Variants in NUDT4 observed in about 807,000 individuals in gnomAD.
NUDT4 encodes diphosphoinositol polyphosphate phosphohydrolase 2.
Under a neutral mutation model 23.1 loss-of-function variants are expected in NUDT4, and 5 were observed. That is an observed-to-expected ratio of 0.22 (90% CI 0.11 to 0.46). The LOEUF (loss-of-function observed/expected upper bound fraction) is 0.46, where lower values mean the gene tolerates loss of function less well. Among genes scored for constraint, NUDT4 ranks in the 20% least tolerant of loss-of-function variants. The probability of loss-of-function intolerance (pLI) is 0.99; values close to 1 mark genes in which losing one functional copy is unlikely to be tolerated. For synonymous variants in NUDT4, 50 were observed against 79.0 expected, an observed-to-expected ratio of 0.63 and a Z score of 1.95; for missense variants, 96 against 211.6, an observed-to-expected ratio of 0.45 and a Z score of 3.39.
At chr12:93,378,608 A>G (rs749521497) in intron 1 of NUDT4, 187 bp downstream of exon 1, 5 of 1,260,862 alleles carry the variant, frequency 4.0e-6, no homozygotes, top group African/African-American at 1.6e-5. Flanking sequence ...GGGCTGATAG[A>G]TGAGACAAAG....
chr12:93,389,997 C>T (rs147064541), intron 1 of NUDT4, among the ~76,000 whole-genome samples: 1 of 152,238 alleles, frequency 6.6e-6, no homozygotes, highest in Admixed American at 6.5e-5. Context: ...TGTAATTTAG[C>T]TCTGTCTTGG....
chr12:93,395,432 TTA>T, intron 2 of NUDT4, 55 bp from the exon 3 acceptor site: 1 of 1,224,042 alleles, frequency 8.2e-7, no homozygotes, highest in Non-Finnish European at 1.2e-6. Context: ...TAACTTGTAT[TTA>T]TATACATTTT....
intron 1 of NUDT4, among the ~76,000 whole-genome samples, chr12:93,383,088 T>C (rs185813496): frequency 8.6e-5 from 13 of 151,938 alleles, no homozygotes; most frequent in African/African-American, 1.9e-4. Context: ...TTTTTTTTTT[T>C]CTTAGGGTCT....
chr12:93,405,077 C>G lies in NUDT4; in HGVS notation c.*5698C>G, dbSNP rs2121029753. ...ACAACATGAATTGTAATAACTTGGA[C>G]TTACTTGGTTGCTCAGTCCTGATGT... On this transcript the variant is annotated 3_prime_UTR_variant, in exon 5 of 5. Transcript: ENST00000415493. 1 of 152,232 alleles carries G rather than the reference C, an allele frequency of 6.6e-6. No individual in the cohort carries two copies. The highest frequency in any genetic ancestry group is 1.5e-5 in the Non-Finnish European group (1 of 68,022). The allele number at this position is 152,232 out of a possible 1,614,324, so 9.4% of individuals were successfully genotyped here. A position where few individuals can be genotyped will look rare whatever the true frequency, so the allele number is the denominator to read the frequency against.
rs1181519729 is a variant in NUDT4 at position 93,407,155 on chromosome 12, T to C, written c.*7776T>C. Reference sequence around the variant, plus strand: ...GAGCCACTGTGCCCGGCCTGGGCAGTCGATTTTCAGGAAGCCACTTAATGT... The same window carrying C: ...GAGCCACTGTGCCCGGCCTGGGCAGCCGATTTTCAGGAAGCCACTTAATGT... On this transcript the variant is annotated 3_prime_UTR_variant, in exon 5 of 5. Coordinates refer to ENST00000415493, the MANE Select transcript of NUDT4 (RefSeq NM_019094.6). 4 of 152,584 alleles carry C rather than the reference T, an allele frequency of 2.6e-5. No individual in the cohort carries two copies. In the East Asian group the frequency reaches 7.7e-4, roughly 29 times the overall value. 9.5% of individuals were successfully genotyped at this position (152,584 alleles called of 1,614,324 possible). A position where few individuals can be genotyped will look rare whatever the true frequency, so the allele number is the denominator to read the frequency against.
At chr12:93,383,801 C>T (rs1875866615) in intron 1 of NUDT4, among the ~76,000 whole-genome samples, 1 of 152,224 alleles carries the variant, frequency 6.6e-6, no homozygotes, top group South Asian at 2.1e-4. Context: ...CACTGCACTC[C>T]AGCCTGGGCG....
In NUDT4 at chr12:93,400,173, ATCGATACTCTT is replaced by A. The variant is rs1458193203; in HGVS notation, c.*797_*807del. On this transcript the variant is annotated 3_prime_UTR_variant, in exon 5 of 5. Coordinates refer to ENST00000415493, the MANE Select transcript of NUDT4 (RefSeq NM_019094.6). ...GCATGCTCAGTTGCCAGTTCCCATT[ATCGATACTCTT>A]TCTTTGCAGAATACCTTAGAACCGT... 1 of 151,922 alleles carries A rather than the reference ATCGATACTCTT, an allele frequency of 6.6e-6. No homozygotes were observed. Among genetic ancestry groups the A allele is most frequent in the Non-Finnish European group, 1.5e-5 (1 of 68,002 alleles). 9.4% of individuals were successfully genotyped at this position (151,922 alleles called of 1,614,324 possible). A position where few individuals can be genotyped will look rare whatever the true frequency, so the allele number is the denominator to read the frequency against.
rs1335668706 is a variant in NUDT4 at position 93,402,215 on chromosome 12, A to C, written c.*2836A>C. The C allele has an allele frequency of 2.0e-5, 3 of 152,262 alleles. No homozygotes were observed. The highest frequency in any genetic ancestry group is 4.4e-5 in the Non-Finnish European group (3 of 68,018). 9.4% of individuals were successfully genotyped at this position (152,262 alleles called of 1,614,324 possible). ...GCTTTGCATGGTCTCATTTGAGATAATTGATGTAAGAATCCTGACTTTTTT... is the reference window on the plus strand; with the variant it reads ...GCTTTGCATGGTCTCATTTGAGATACTTGATGTAAGAATCCTGACTTTTTT... On this transcript the variant is annotated 3_prime_UTR_variant, in exon 5 of 5. Coordinates refer to ENST00000415493, the MANE Select transcript of NUDT4 (RefSeq NM_019094.6).
rs1175756118 is a variant in NUDT4, at chr12:93,378,394, G to A, written c.72G>A (p.Leu24=). The A allele has an allele frequency of 3.2e-6, 5 of 1,554,438 alleles. No homozygotes were observed. In the South Asian group the frequency reaches 5.9e-5, roughly 18 times the overall value. The change falls in exon 1 of 5, where the codon CTG becomes CTA. Residue 24 remains leucine, a synonymous_variant. Transcript: ENST00000415493. Reference sequence around the variant, plus strand: ...GCTTCAAGAAGCGGGCGGCGTGCCTGTGCTTCCGGAGCGAGCAGGAGGACG... The same window carrying A: ...GCTTCAAGAAGCGGGCGGCGTGCCTATGCTTCCGGAGCGAGCAGGAGGACG... ...REGFKKRAAC[L]CFRSEQEDEV... is the part of the protein sequence containing the mutation.
rs1875338213 is a variant in NUDT4 at position 93,378,238 on chromosome 12, GCCCCCACT to G, written c.-80_-73del. 1 of 528,464 alleles carries G rather than the reference GCCCCCACT, an allele frequency of 1.9e-6. No homozygotes were observed. Among genetic ancestry groups the G allele is most frequent in the African/African-American group, 2.0e-5 (1 of 49,412 alleles). 32.7% of individuals were successfully genotyped at this position (528,464 alleles called of 1,614,324 possible). ...GCGCTCCTGCGCCCGACTCGCCCTCGCCCCCACTCCCCGGCGGGGTGGCGGCGGCCGGG... is the reference window on the plus strand; with the variant it reads ...GCGCTCCTGCGCCCGACTCGCCCTCGCCCCGGCGGGGTGGCGGCGGCCGGG... On this transcript the variant is annotated 5_prime_UTR_variant, in exon 1 of 5. Transcript: ENST00000415493.
At chr12:93,394,750 CG>C (rs1316982810) in intron 2 of NUDT4, 31 bp downstream of exon 2, 1 of 1,427,672 alleles carries the variant, frequency 7.0e-7, no homozygotes, top group African/African-American at 1.4e-5. Context: ...AATTCTGTTT[CG>C]GAGTTTTAAA....
chr12:93,397,692 T>C (rs1401881037), intron 3 of NUDT4, among the ~76,000 whole-genome samples: 1 of 152,042 alleles, frequency 6.6e-6, no homozygotes, highest in Non-Finnish European at 1.5e-5. Flanking sequence ...CCGGCTAATA[T>C]TTTCGTATTT....
At position 93,406,929 on chromosome 12, in the gene NUDT4, C is replaced by T. The variant is rs1160746720; in HGVS notation, c.*7550C>T. ...AAGGATAACTAGAGCAGAAGCAAAT[C>T]GCAGCGAAGTAGACTACAACAATCA... is the stretch of plus-strand genomic sequence containing the variant. On this transcript the variant is annotated 3_prime_UTR_variant, in exon 5 of 5. Transcript: ENST00000415493. The T allele has an allele frequency of 1.3e-5, 2 of 152,186 alleles. No homozygotes were observed. Among genetic ancestry groups the T allele is most frequent in the Non-Finnish European group, 2.9e-5 (2 of 68,036 alleles). The allele number at this position is 152,186 out of a possible 1,614,324, so 9.4% of individuals were successfully genotyped here.
intron 1 of NUDT4, among the ~76,000 whole-genome samples, chr12:93,378,998 C>G (rs1198496639): frequency 6.6e-6 from 1 of 152,136 alleles, no homozygotes; most frequent in Non-Finnish European, 1.5e-5. Flanking sequence ...AAACGGCCTT[C>G]CCTTCTTAAA....
chr12:93,401,369 T>C lies in NUDT4; in HGVS notation c.*1990T>C, dbSNP rs1331827179. 4.0e-5 allele frequency: 6 copies of C among 148,568 alleles called. No homozygotes were observed. Among genetic ancestry groups the C allele is most frequent in the Admixed American group, 2.1e-4 (3 of 14,586 alleles). The allele number at this position is 148,568 out of a possible 1,614,324, so 9.2% of individuals were successfully genotyped here. ...TAATCTCTGAAATTTCCTTAAATTA[T>C]ATACTTAACATAGCAGAGAAACTGG... On this transcript the variant is annotated 3_prime_UTR_variant, in exon 5 of 5. Coordinates refer to ENST00000415493, the MANE Select transcript of NUDT4 (RefSeq NM_019094.6).
intron 1 of NUDT4, among the ~76,000 whole-genome samples, chr12:93,384,184 C>T (rs560193765): frequency 2.1e-5 from 3 of 146,248 alleles, no homozygotes; most frequent in Admixed American, 1.4e-4. Context: ...GGTGCCCAAG[C>T]TTTTTTTTTT....
rs1331420672 is a variant in NUDT4 at position 93,402,860 on chromosome 12, T to TA, written c.*3482dup. On this transcript the variant is annotated 3_prime_UTR_variant, in exon 5 of 5. Transcript: ENST00000415493. ...TAAGTCACCGCCCCACCCGCCGCAT[T>TA]ACATTTCCTAAAACATACTGCTGCC... 2 of 152,128 alleles carry TA rather than the reference T, an allele frequency of 1.3e-5. No individual in the cohort carries two copies. The highest frequency in any genetic ancestry group is 2.9e-5 in the Non-Finnish European group (2 of 68,010). 9.4% of individuals were successfully genotyped at this position (152,128 alleles called of 1,614,324 possible).
chr12:93,391,557 T>A (rs1347050555), intron 1 of NUDT4, among the ~76,000 whole-genome samples: 1 of 109,952 alleles, frequency 9.1e-6, no homozygotes, highest in Non-Finnish European at 1.8e-5. Flanking sequence ...AGGACGAGAC[T>A]CCATTTCAAA....
rs1168607631 is a variant in NUDT4, at chr12:93,398,355, AAAAAG to A, written c.256-408_256-404del. ...CCCTGTCTCAAAAAAAAAAAAAAAA[AAAAAG>A]AAAAGAACATCAGATATATAGAAAT... On this transcript the variant is annotated intron_variant, in intron 3 of 4. Transcript: ENST00000415493. Among the ~76,000 whole-genome samples the A allele has an allele frequency of 1.5e-4, 22 of 150,700 alleles. No homozygotes were observed. In the East Asian group the frequency reaches 2.1e-3, roughly 15 times the overall value.
Sources: gnomAD v4.1 joint callset for allele counts (sites outside exome capture counted in the v4.1 genomes callset) on GRCh38, gnomAD v4.1.1 for gene constraint, MANE v1.5 for transcripts, NCBI Gene and HGNC (gene_info 2026-07-23, HGNC 2026-07-21) for gene names.